The following CLOCK variants were observed in gnomAD, a reference collection of about 807,000 sequenced individuals.
CLOCK encodes the protein circadian locomoter output cycles protein kaput.
A neutral mutation model predicts 118.4 loss-of-function variants in CLOCK; 43 were observed. The ratio of observed to expected loss-of-function variants is 0.36; its 90% CI spans 0.28 to 0.47. The LOEUF is 0.47. Among genes scored for constraint, CLOCK ranks in the 20% least tolerant of loss-of-function variants. The pLI is 1.00. For missense variants in CLOCK, 846 were observed against 999.9 expected (o/e 0.85, Z 2.08); for synonymous variants, 326 against 339.2 (o/e 0.96, Z 0.43).
At chr4:55,460,615 C>T (rs961432052) in intron 9 of CLOCK, among the ~76,000 whole-genome samples, 6 of 152,140 alleles carry the variant, frequency 3.9e-5, no homozygotes, top group African/African-American at 1.4e-4. Flanking sequence ...TCTAGGTAAC[C>T]GAAATATGTA....
chr4:55,486,208 G>T (rs948977540), intron 3 of CLOCK, among the ~76,000 whole-genome samples: 14 of 152,120 alleles, frequency 9.2e-5, no homozygotes, highest in African/African-American at 3.4e-4. Flanking sequence ...TTTTCCTAGA[G>T]TTACCATTTT....
At chr4:55,530,409 A>G (rs575248596) in intron 1 of CLOCK, among the ~76,000 whole-genome samples, 80 of 152,288 alleles carry the variant, frequency 5.3e-4, no homozygotes, top group African/African-American at 1.8e-3. Context: ...GACCCAGGCC[A>G]AAGCTATTTT....
intron 3 of CLOCK, among the ~76,000 whole-genome samples, chr4:55,485,333 T>G (rs1727229096): frequency 6.6e-6 from 1 of 152,114 alleles, no homozygotes; most frequent in Admixed American, 6.5e-5. Flanking sequence ...ACATTTTACT[T>G]AAGGGAAAGG....
At position 55,476,069 on chromosome 4, in the gene CLOCK, A is replaced by T; in HGVS notation, c.257-15T>A. The T allele has an allele frequency of 6.3e-7, 1 of 1,580,148 alleles. No individual in the cohort carries two copies. Among genetic ancestry groups the T allele is most frequent in the Non-Finnish European group, 8.7e-7 (1 of 1,149,826 alleles). On this transcript the variant is annotated splice_polypyrimidine_tract_variant and intron_variant, in intron 6 of 22. Transcript: ENST00000513440. ...TGCAGTGATTTCTGTAAACAGATTG[A>T]CATATTAGTGGCATACTCCAACCAC...
At chr4:55,481,798 A>C (rs1022468061) in intron 4 of CLOCK, among the ~76,000 whole-genome samples, 1 of 152,226 alleles carries the variant, frequency 6.6e-6, no homozygotes, top group Admixed American at 6.5e-5. Flanking sequence ...TCCAGATCAT[A>C]TCTTACTAGC....
intron 14 of CLOCK, 40 bp from the exon 15 acceptor site, chr4:55,453,169 A>T: frequency 2.6e-6 from 4 of 1,510,048 alleles, no homozygotes; most frequent in Non-Finnish European, 3.7e-6. Flanking sequence ...GTGTCTGGTC[A>T]TTCGTTTAAA....
At chr4:55,450,919 G>A (rs1724384676) in intron 15 of CLOCK, among the ~76,000 whole-genome samples, 1 of 151,992 alleles carries the variant, frequency 6.6e-6, no homozygotes, top group South Asian at 2.1e-4. Flanking sequence ...AATTGCTTAA[G>A]CCCAGGAGCT....
At chr4:55,496,461 A>G (rs960536809) in intron 2 of CLOCK, among the ~76,000 whole-genome samples, 1 of 152,066 alleles carries the variant, frequency 6.6e-6, no homozygotes, top group Non-Finnish European at 1.5e-5. Flanking sequence ...GTTTCTCTAA[A>G]CTCTAGCCTT....
chr4:55,468,432 T>C (rs1257652866), intron 8 of CLOCK, among the ~76,000 whole-genome samples: 1 of 152,092 alleles, frequency 6.6e-6, no homozygotes, highest in Non-Finnish European at 1.5e-5. Flanking sequence ...TAAATACACA[T>C]TAGAAAAAAA....
In CLOCK at chr4:55,438,543, A is replaced by G; in HGVS notation, c.2106-6T>C. The G allele has an allele frequency of 6.2e-7, 1 of 1,613,004 alleles. No homozygotes were observed. Among genetic ancestry groups the G allele is most frequent in the Non-Finnish European group, 8.5e-7 (1 of 1,179,960 alleles). On this transcript the variant is annotated splice_region_variant and splice_polypyrimidine_tract_variant and intron_variant, in intron 21 of 22. Coordinates refer to ENST00000513440, the MANE Select transcript of CLOCK (RefSeq NM_004898.4). Reference sequence around the variant, plus strand: ...GTTGTTGACCTTGAGAAAATCTGTTAGAAGAAAGAAGGAAAAAAATTGGAG... The same window carrying G: ...GTTGTTGACCTTGAGAAAATCTGTTGGAAGAAAGAAGGAAAAAAATTGGAG...
rs368450001 is a variant in CLOCK, at chr4:55,510,583, C to T, written c.-289-518G>A. On this transcript the variant is annotated intron_variant, in intron 1 of 22. Coordinates refer to ENST00000513440, the MANE Select transcript of CLOCK (RefSeq NM_004898.4). Reference sequence around the variant, plus strand: ...TGGAGGTTCCAGTGAGCCGAGATTGCGCCACTGCACTCCAGCCTGGGCGAC... The same window carrying T: ...TGGAGGTTCCAGTGAGCCGAGATTGTGCCACTGCACTCCAGCCTGGGCGAC... Among the ~76,000 whole-genome samples the T allele has an allele frequency of 1.3e-4, 18 of 143,844 alleles. 1 individual carries two copies. Among genetic ancestry groups the T allele is most frequent in the African/African-American group, 3.4e-4 (13 of 38,716 alleles). 94.4% of individuals were successfully genotyped at this position (143,844 alleles called of 152,430 possible).
chr4:55,542,284 C>G (rs1264208335), intron 1 of CLOCK, among the ~76,000 whole-genome samples: 1 of 150,262 alleles, frequency 6.7e-6, no homozygotes, highest in African/African-American at 2.5e-5. Context: ...GCGGAGGTTG[C>G]AGTGAGCTGA....
chr4:55,450,883 C>A lies in CLOCK; in HGVS notation c.1207-651G>T, dbSNP rs573602641. On this transcript the variant is annotated intron_variant, in intron 15 of 22. Transcript: ENST00000513440. Reference sequence around the variant, plus strand: ...GAAAGCCAGGTGAATGCCTGCGGTGCCAACTACCCAGGAAGCTGAGAAGAG... The same window carrying A: ...GAAAGCCAGGTGAATGCCTGCGGTGACAACTACCCAGGAAGCTGAGAAGAG... Among the ~76,000 whole-genome samples the A allele has an allele frequency of 1.5e-3, 221 of 152,148 alleles. 1 individual carries two copies. The highest frequency in any genetic ancestry group is 5.2e-3 in the African/African-American group (214 of 41,482).
At chr4:55,527,059 A>G (rs1002343039) in intron 1 of CLOCK, among the ~76,000 whole-genome samples, 3 of 152,186 alleles carry the variant, frequency 2.0e-5, no homozygotes, top group East Asian at 1.9e-4. Context: ...CAAGAAAGTA[A>G]TAAGTAAAAT....
chr4:55,474,577 A>C (rs182438581), intron 7 of CLOCK, among the ~76,000 whole-genome samples: 23 of 152,352 alleles, frequency 1.5e-4, no homozygotes, highest in South Asian at 2.1e-4. Flanking sequence ...AGAAAGGAGA[A>C]GCCAAAGCTG....
intron 22 of CLOCK, among the ~76,000 whole-genome samples, chr4:55,437,235 A>G (rs1410394401): frequency 6.6e-6 from 1 of 152,296 alleles, no homozygotes; most frequent in African/African-American, 2.4e-5. Flanking sequence ...ACAAATTAAG[A>G]CTATATTTAT....
chr4:55,456,743 A>G (rs929236731), intron 11 of CLOCK, among the ~76,000 whole-genome samples: 1 of 152,070 alleles, frequency 6.6e-6, no homozygotes, highest in Non-Finnish European at 1.5e-5. Context: ...CAGTGGTGTG[A>G]TCTCAGTTCA....
intron 1 of CLOCK, among the ~76,000 whole-genome samples, chr4:55,518,064 A>G (rs952996588): frequency 6.6e-6 from 1 of 152,194 alleles, no homozygotes; most frequent in African/African-American, 2.4e-5. Flanking sequence ...GTACTAGGTC[A>G]TAACATAAAA....
chr4:55,452,790 T>A (rs1010657313), intron 15 of CLOCK: 1 of 276,942 alleles, frequency 3.6e-6, no homozygotes, highest in East Asian at 7.2e-5. Context: ...ATAATTCATA[T>A]AAATAACCTA....
Sources: allele counts gnomAD v4.1 joint callset (sites outside exome capture counted in the v4.1 genomes callset), GRCh38; gene constraint gnomAD v4.1.1; transcripts MANE v1.5; gene names NCBI Gene and HGNC (gene_info 2026-07-23, HGNC 2026-07-21).